The following PDE1A variants were observed in gnomAD, a reference collection of about 807,000 sequenced individuals.
The protein encoded by PDE1A is phosphodiesterase 1A.
A neutral mutation model predicts 61.7 loss-of-function variants in PDE1A; 35 were observed. That is an observed-to-expected ratio of 0.57 (90% confidence interval 0.43 to 0.75). The LOEUF (loss-of-function observed/expected upper bound fraction) is 0.75, where lower values mean the gene tolerates loss of function less well. Ranked by LOEUF, PDE1A falls within the 30% of genes least tolerant of loss-of-function variation. PDE1A has a pLI of 0.00. For missense variants in PDE1A, 597 were observed against 630.6 expected (o/e 0.95, Z 0.57); for synonymous variants, 232 against 213.2 (o/e 1.09, Z -0.77).
At chr2:182,682,004 A>G in the PDE1A span, among the ~76,000 whole-genome samples, 1 of 152,184 alleles carries the variant, frequency 6.6e-6, no homozygotes, top group Admixed American at 6.5e-5. Flanking sequence ...TCTTCAATCT[A>G]TATTCCACAA....
chr2:182,160,609 C>A (rs560065026), intron 13 of PDE1A, among the ~76,000 whole-genome samples: 2 of 152,260 alleles, frequency 1.3e-5, no homozygotes, highest in South Asian at 4.2e-4. Context: ...TAGCCTCAGA[C>A]TGGGGCTGCA....
intron 13 of PDE1A, among the ~76,000 whole-genome samples, chr2:182,148,524 C>T (rs1188508529): frequency 2.6e-5 from 4 of 152,160 alleles, no homozygotes; most frequent in African/African-American, 9.7e-5. Context: ...GTTGGTAAGA[C>T]CCATGAATCT....
At chr2:182,400,750 C>A (rs1701956265) in intron 1 of PDE1A, among the ~76,000 whole-genome samples, 1 of 152,122 alleles carries the variant, frequency 6.6e-6, no homozygotes, top group African/African-American at 2.4e-5. Context: ...GAAATCAAGG[C>A]CAAAGCAGGG....
intron 13 of PDE1A, among the ~76,000 whole-genome samples, chr2:182,149,583 C>G (rs1690670475): frequency 6.6e-6 from 1 of 152,154 alleles, no homozygotes; most frequent in African/African-American, 2.4e-5. Flanking sequence ...CTCAGCAAAT[C>G]CAAATTACAT....
intron 13 of PDE1A, among the ~76,000 whole-genome samples, chr2:182,185,331 C>G (rs1043312376): frequency 6.6e-6 from 1 of 152,132 alleles, no homozygotes; most frequent in African/African-American, 2.4e-5. Context: ...AACTCACAAA[C>G]CTACTAAATG....
At chr2:182,257,068 A>G (rs113565042) in intron 2 of PDE1A, among the ~76,000 whole-genome samples, 5 of 152,218 alleles carry the variant, frequency 3.3e-5, no homozygotes, top group Admixed American at 1.3e-4. Flanking sequence ...CCTTTTCAGT[A>G]ACCCTGCTTT....
At chr2:182,303,920 G>A (rs1353462324) in intron 1 of PDE1A, among the ~76,000 whole-genome samples, 1 of 137,808 alleles carries the variant, frequency 7.3e-6, no homozygotes, top group Non-Finnish European at 1.6e-5. Context: ...TTTTTTTGTT[G>A]AGATGGAGTC....
chr2:182,187,417 A>G (rs904907933), intron 11 of PDE1A, among the ~76,000 whole-genome samples: 5 of 152,136 alleles, frequency 3.3e-5, no homozygotes, highest in Admixed American at 1.3e-4. Context: ...AGATCCCAGG[A>G]CTGCTGTGGG....
intron 2 of PDE1A, among the ~76,000 whole-genome samples, chr2:182,475,623 C>G (rs772405723): frequency 6.6e-6 from 1 of 151,942 alleles, no homozygotes; most frequent in Non-Finnish European, 1.5e-5. Flanking sequence ...AGGAAACAAG[C>G]ACGGGCTATT....
At chr2:182,259,704 T>G (rs139174875) in intron 2 of PDE1A, among the ~76,000 whole-genome samples, 13 of 152,348 alleles carry the variant, frequency 8.5e-5, no homozygotes, top group African/African-American at 3.1e-4. Flanking sequence ...TGAGACAGAT[T>G]GGTTCATGTT....
the PDE1A span, among the ~76,000 whole-genome samples, chr2:182,707,633 T>C: frequency 1.6e-3 from 237 of 152,274 alleles, 1 homozygote; most frequent in African/African-American, 5.4e-3. Flanking sequence ...ATTACATACA[T>C]AATTTTTAAG....
rs183667350 is a variant in PDE1A at position 182,370,596 on chromosome 2, T to C, written c.53+55982A>G. Among the ~76,000 whole-genome samples, 44 of 152,310 alleles carry C rather than the reference T, an allele frequency of 2.9e-4. No individual in the cohort carries two copies. In the East Asian group the frequency reaches 7.9e-3, roughly 27 times the overall value. ...TGACAAGAACCCAGAACCCAGAGAATGTGGCAAGACTGCTGTTGCTGGTGA... is the reference window on the plus strand; with the variant it reads ...TGACAAGAACCCAGAACCCAGAGAACGTGGCAAGACTGCTGTTGCTGGTGA... On this transcript the variant is annotated intron_variant, in intron 1 of 13. Transcript: ENST00000351439.
At chr2:182,339,939 C>G (rs1698075980) in intron 1 of PDE1A, among the ~76,000 whole-genome samples, 1 of 152,138 alleles carries the variant, frequency 6.6e-6, no homozygotes, top group Non-Finnish European at 1.5e-5. Context: ...ATCATATATT[C>G]AATATCCTAC....
chr2:182,386,856 C>T (rs1021243808), intron 1 of PDE1A, among the ~76,000 whole-genome samples: 2 of 151,102 alleles, frequency 1.3e-5, no homozygotes, highest in Non-Finnish European at 3.0e-5. Context: ...GCGCCTCTGC[C>T]CGGCCGCCCC....
chr2:182,306,191 T>G (rs1695572525), intron 1 of PDE1A, among the ~76,000 whole-genome samples: 1 of 152,118 alleles, frequency 6.6e-6, no homozygotes, highest in Admixed American at 6.6e-5. Flanking sequence ...TTCATCTATT[T>G]TGCCACAAAT....
chr2:182,631,650 G>A, the PDE1A span, among the ~76,000 whole-genome samples: 1 of 152,210 alleles, frequency 6.6e-6, no homozygotes, highest in Non-Finnish European at 1.5e-5. Context: ...ACTTTCATAT[G>A]ATAGGATACT....
At chr2:182,616,819 G>T in the PDE1A span, among the ~76,000 whole-genome samples, 1 of 152,138 alleles carries the variant, frequency 6.6e-6, no homozygotes, top group South Asian at 2.1e-4. Context: ...AGCGGGTATG[G>T]GCTAAAACAT....
the PDE1A span, among the ~76,000 whole-genome samples, chr2:182,571,953 T>C: frequency 6.6e-6 from 1 of 152,200 alleles, no homozygotes; most frequent in African/African-American, 2.4e-5. Flanking sequence ...AAGTCATCTT[T>C]GTGATGACCT....
intron 10 of PDE1A, among the ~76,000 whole-genome samples, chr2:182,194,070 C>T (rs1318737124): frequency 2.0e-5 from 3 of 152,110 alleles, no homozygotes; most frequent in African/African-American, 7.2e-5. Flanking sequence ...TTTGACCTTT[C>T]CTTCCAAATA....
Sources: allele counts gnomAD v4.1 joint callset (sites outside exome capture counted in the v4.1 genomes callset), GRCh38; gene constraint gnomAD v4.1.1; transcripts MANE v1.5; gene names NCBI Gene and HGNC (gene_info 2026-07-23, HGNC 2026-07-21).